The following EXT1 variants were observed in gnomAD, a reference collection of about 807,000 sequenced individuals.
The protein encoded by EXT1 is exostosin glycosyltransferase 1, also known as exostosin-1.
EXT1 carries 20 observed loss-of-function variants against 82.5 expected under a neutral mutation model. That is an observed-to-expected ratio of 0.24 (90% CI 0.17 to 0.35). The LOEUF is 0.35. EXT1 is among the 10% of genes least tolerant of loss of function. The probability of loss-of-function intolerance (pLI) is 1.00; values close to 1 mark genes in which losing one functional copy is unlikely to be tolerated. For missense variants in EXT1, 757 were observed against 936.5 expected (o/e 0.81, Z 2.50); for synonymous variants, 348 against 350.8 (o/e 0.99, Z 0.09).
intron 1 of EXT1, among the ~76,000 whole-genome samples, chr8:117,871,091 T>C (rs563230931): frequency 7.2e-5 from 11 of 152,344 alleles, no homozygotes; most frequent in Non-Finnish European, 1.6e-4. Flanking sequence ...TATAGAATTT[T>C]CCTATGCATT....
At chr8:117,937,222 G>A (rs2129663135) in intron 1 of EXT1, among the ~76,000 whole-genome samples, 1 of 152,308 alleles carries the variant, frequency 6.6e-6, no homozygotes, top group Non-Finnish European at 1.5e-5. Flanking sequence ...ATTTCTTTAA[G>A]AGGATTGCAC....
At chr8:117,958,922 T>A (rs1481504615) in intron 1 of EXT1, among the ~76,000 whole-genome samples, 2 of 152,212 alleles carry the variant, frequency 1.3e-5, no homozygotes, top group Admixed American at 6.5e-5. Flanking sequence ...CCCATTTTAC[T>A]CCACATGCAA....
chr8:118,057,394 A>G (rs758460466), intron 1 of EXT1, among the ~76,000 whole-genome samples: 1 of 151,756 alleles, frequency 6.6e-6, no homozygotes, highest in Non-Finnish European at 1.5e-5. Flanking sequence ...ACAAAAAATT[A>G]GCCGGGTGTG....
intron 1 of EXT1, among the ~76,000 whole-genome samples, chr8:117,928,554 T>C (rs1401197620): frequency 1.3e-5 from 2 of 152,160 alleles, no homozygotes; most frequent in African/African-American, 4.8e-5. Context: ...CTGATAAAAA[T>C]ACTAAACAGA....
At chr8:117,983,633 A>G (rs1563620726) in intron 1 of EXT1, among the ~76,000 whole-genome samples, 1 of 152,218 alleles carries the variant, frequency 6.6e-6, no homozygotes, top group Non-Finnish European at 1.5e-5. Context: ...AATAGAGGCA[A>G]TCCTACAAAG....
chr8:118,065,273 G>A lies in EXT1; in HGVS notation c.962+44812C>T, dbSNP rs114757692. Among the ~76,000 whole-genome samples, 113 of 152,090 alleles carry A rather than the reference G, an allele frequency of 7.4e-4. 1 individual carries two copies. Among genetic ancestry groups the A allele is most frequent in the African/African-American group, 2.6e-3 (108 of 41,480 alleles). On this transcript the variant is annotated intron_variant, in intron 1 of 10. Coordinates refer to ENST00000378204, the MANE Select transcript of EXT1 (RefSeq NM_000127.3). ...GCTTTTTTTCATATGTTTGTTGGTC[G>A]CATAAATGTCTTCTTTCACACTTTT... is the stretch of plus-strand genomic sequence containing the variant.
intron 1 of EXT1, among the ~76,000 whole-genome samples, chr8:118,054,954 A>ACG (rs1554597116): frequency 1.7e-5 from 2 of 118,386 alleles, no homozygotes; most frequent in Non-Finnish European, 3.7e-5. Flanking sequence ...CTGTATGTAT[A>ACG]TGTATATATA....
chr8:117,871,612 C>T (rs997100030), intron 1 of EXT1, among the ~76,000 whole-genome samples: 4 of 152,180 alleles, frequency 2.6e-5, no homozygotes, highest in Non-Finnish European at 5.9e-5. Flanking sequence ...AATGCAAGAA[C>T]GGCTAGGTGG....
chr8:118,046,828 A>C (rs976470514), intron 1 of EXT1, among the ~76,000 whole-genome samples: 1 of 152,212 alleles, frequency 6.6e-6, no homozygotes. Context: ...GAAAAAGAAA[A>C]GATCGTGCAG....
chr8:117,989,916 G>A (rs561946984), intron 1 of EXT1, among the ~76,000 whole-genome samples: 5 of 152,284 alleles, frequency 3.3e-5, no homozygotes, highest in African/African-American at 1.2e-4. Flanking sequence ...CAGACTGGAG[G>A]CGGGCACAGT....
intron 1 of EXT1, among the ~76,000 whole-genome samples, chr8:117,939,718 T>C (rs552357350): frequency 2.6e-5 from 4 of 152,312 alleles, no homozygotes; most frequent in Admixed American, 2.6e-4. Flanking sequence ...TCTTAACCAA[T>C]GTCCTGTGCA....
chr8:118,107,232 T>G (rs904577708), intron 1 of EXT1, among the ~76,000 whole-genome samples: 6 of 152,236 alleles, frequency 3.9e-5, no homozygotes, highest in African/African-American at 1.4e-4. Context: ...GCATAAAGTT[T>G]GCTCCAAAGG....
At chr8:117,821,298 C>T (rs1254287543) in intron 5 of EXT1, among the ~76,000 whole-genome samples, 2 of 152,072 alleles carry the variant, frequency 1.3e-5, no homozygotes, top group African/African-American at 2.4e-5. Context: ...AAAGTTTTGC[C>T]GAGTAAGAAG....
chr8:117,897,274 C>T (rs567589122), intron 1 of EXT1, among the ~76,000 whole-genome samples: 6 of 152,228 alleles, frequency 3.9e-5, no homozygotes, highest in East Asian at 3.9e-4. Context: ...ATTGTCCTTC[C>T]GAGTAGATTC....
intron 1 of EXT1, among the ~76,000 whole-genome samples, chr8:118,069,666 C>G (rs913771226): frequency 5.3e-5 from 8 of 152,168 alleles, no homozygotes; most frequent in African/African-American, 1.9e-4. Context: ...TTGGAAATAA[C>G]TTCACACCAC....
At chr8:117,840,573 T>C (rs919677128) in intron 1 of EXT1, among the ~76,000 whole-genome samples, 4 of 150,970 alleles carry the variant, frequency 2.6e-5, no homozygotes, top group Non-Finnish European at 5.9e-5. Flanking sequence ...GATAGTGCCA[T>C]TGTACTCCAG....
intron 1 of EXT1, among the ~76,000 whole-genome samples, chr8:118,043,596 C>T (rs1171298957): frequency 1.3e-5 from 2 of 152,164 alleles, no homozygotes; most frequent in East Asian, 3.9e-4. Context: ...CTCATTAGAA[C>T]AAAAGATAGT....
chr8:117,905,410 C>T (rs1268745486), intron 1 of EXT1, among the ~76,000 whole-genome samples: 10 of 152,142 alleles, frequency 6.6e-5, no homozygotes, highest in Admixed American at 6.5e-4. Context: ...GTGCCTGGCA[C>T]ATGGGGGGCA....
At chr8:117,817,558 G>T (rs150826637) in intron 7 of EXT1, among the ~76,000 whole-genome samples, 2 of 152,212 alleles carry the variant, frequency 1.3e-5, no homozygotes, top group East Asian at 3.9e-4. Context: ...TTTAGTAGAA[G>T]AAATTTCAAG....
Sources: allele counts gnomAD v4.1 joint callset (sites outside exome capture counted in the v4.1 genomes callset), GRCh38; gene constraint gnomAD v4.1.1; transcripts MANE v1.5; gene names NCBI Gene and HGNC (gene_info 2026-07-23, HGNC 2026-07-21).